Variants in FER1L6 observed in about 807,000 individuals in gnomAD.
FER1L6 encodes fer-1-like protein 6.
In FER1L6, 177 loss-of-function variants were observed where a neutral mutation model predicts 219.2. The ratio of observed to expected loss-of-function variants is 0.81; its 90% CI spans 0.71 to 0.91. The LOEUF (loss-of-function observed/expected upper bound fraction) is 0.91. Ranked by LOEUF, FER1L6 falls within the 40% of genes least tolerant of loss-of-function variation. The probability of loss-of-function intolerance (pLI) is 0.00; values close to 1 mark genes in which losing one functional copy is unlikely to be tolerated. For missense variants in FER1L6, 2,153 were observed against 2,259.9 expected, an observed-to-expected ratio of 0.95 and a Z score of 0.96; for synonymous variants, 768 against 824.3, an observed-to-expected ratio of 0.93 and a Z score of 1.17.
chr8:124,049,992 C>CCAA (rs1269957700), intron 22 of FER1L6, among the ~76,000 whole-genome samples: 1 of 152,156 alleles, frequency 6.6e-6, no homozygotes, highest in Non-Finnish European at 1.5e-5. Flanking sequence ...GCGGGTTTGG[C>CCAA]CAACAATGCT....
At chr8:124,017,545 A>C in intron 15 of FER1L6, 83 bp from the exon 16 acceptor site, 2 of 1,081,068 alleles carry the variant, frequency 1.9e-6, no homozygotes, top group Non-Finnish European at 2.8e-6. Flanking sequence ...ACTGTATTGC[A>C]GAAACAATAT....
chr8:123,854,370 C>T (rs920215213), intron 1 of FER1L6, among the ~76,000 whole-genome samples: 1 of 152,168 alleles, frequency 6.6e-6, no homozygotes, highest in African/African-American at 2.4e-5. Context: ...CAGATGTCTG[C>T]GTGTTCTGGG....
At chr8:123,942,190 C>A (rs544305994) in intron 1 of FER1L6, among the ~76,000 whole-genome samples, 39 of 152,276 alleles carry the variant, frequency 2.6e-4, no homozygotes, top group African/African-American at 8.7e-4. Context: ...ACCTGCAGAA[C>A]CTTCTCCCCA....
chr8:124,001,750 C>G (rs1432547886), intron 12 of FER1L6, among the ~76,000 whole-genome samples: 1 of 152,066 alleles, frequency 6.6e-6, no homozygotes, highest in African/African-American at 2.4e-5. Flanking sequence ...GAATCAAGAC[C>G]CTCCCTGTGT....
chr8:123,924,109 C>T (rs1206917625), intron 1 of FER1L6, among the ~76,000 whole-genome samples: 1 of 150,602 alleles, frequency 6.6e-6, no homozygotes, highest in Non-Finnish European at 1.5e-5. Flanking sequence ...TAGGTGGGTG[C>T]CTGTAGTCCC....
intron 5 of FER1L6, among the ~76,000 whole-genome samples, chr8:123,969,560 T>G (rs983631446): frequency 6.6e-6 from 1 of 152,204 alleles, no homozygotes; most frequent in African/African-American, 2.4e-5. Flanking sequence ...TTATATGCAC[T>G]TAATCTATGA....
chr8:123,955,299 C>T (rs1200015726), intron 1 of FER1L6, among the ~76,000 whole-genome samples: 1 of 152,160 alleles, frequency 6.6e-6, no homozygotes, highest in African/African-American at 2.4e-5. Flanking sequence ...GAGAAGGAGG[C>T]TTGGAAATGG....
At chr8:123,856,318 A>ATGTATG (rs1484304999) in intron 1 of FER1L6, among the ~76,000 whole-genome samples, 1 of 64,002 alleles carries the variant, frequency 1.6e-5, no homozygotes, top group African/African-American at 7.0e-5. Flanking sequence ...ATGTATGTGT[A>ATGTATG]TATATATATA....
chr8:124,110,018 C>G (rs1236160539), intron 39 of FER1L6, among the ~76,000 whole-genome samples: 1 of 152,160 alleles, frequency 6.6e-6, no homozygotes, highest in Admixed American at 6.5e-5. Context: ...GCAGGCTTCC[C>G]TAATATATGT....
At chr8:123,921,778 C>A (rs941259062) in intron 1 of FER1L6, among the ~76,000 whole-genome samples, 1 of 151,862 alleles carries the variant, frequency 6.6e-6, no homozygotes, top group Non-Finnish European at 1.5e-5. Flanking sequence ...CACCACAGGG[C>A]GGCTGTGGGG....
intron 18 of FER1L6, among the ~76,000 whole-genome samples, chr8:124,024,701 T>A (rs188517116): frequency 5.7e-4 from 87 of 152,314 alleles, no homozygotes; most frequent in Non-Finnish European, 1.0e-3. Flanking sequence ...ATCTTTTTCT[T>A]TGGGTAGATA....
chr8:123,968,629 C>T (rs530206012), intron 5 of FER1L6, among the ~76,000 whole-genome samples: 1 of 152,270 alleles, frequency 6.6e-6, no homozygotes, highest in South Asian at 2.1e-4. Context: ...ATTTTGAACA[C>T]CAGGACTCTG....
chr8:124,118,705 A>T, intron 39 of FER1L6, 139 bp from the exon 40 acceptor site: 1 of 736,724 alleles, frequency 1.4e-6, no homozygotes, highest in Non-Finnish European at 2.2e-6. Context: ...AAAAAAAGCA[A>T]CAACATTTAT....
intron 22 of FER1L6, among the ~76,000 whole-genome samples, chr8:124,055,990 C>T (rs953598288): frequency 6.6e-6 from 1 of 152,132 alleles, no homozygotes; most frequent in African/African-American, 2.4e-5. Flanking sequence ...CCGAGCCTCC[C>T]GTCTACTTCC....
intron 1 of FER1L6, among the ~76,000 whole-genome samples, chr8:123,930,215 G>A (rs139989200): frequency 6.6e-6 from 1 of 152,052 alleles, no homozygotes; most frequent in African/African-American, 2.4e-5. Flanking sequence ...TGTGTATTTA[G>A]TTCTATGTAA....
intron 31 of FER1L6, 73 bp downstream of exon 31, chr8:124,071,704 C>A: frequency 6.6e-7 from 1 of 1,515,226 alleles, no homozygotes; most frequent in Non-Finnish European, 9.0e-7. Context: ...ATATGGCAGA[C>A]TGGGAGGCTT....
At chr8:123,926,887 T>TTCTC in intron 1 of FER1L6, among the ~76,000 whole-genome samples, 1 of 152,156 alleles carries the variant, frequency 6.6e-6, no homozygotes. Context: ...GACTACTTAA[T>TTCTC]TCTCTCTCTC....
chr8:124,003,022 T>C (rs879102933), intron 12 of FER1L6, 145 bp from the exon 13 acceptor site: 3 of 638,960 alleles, frequency 4.7e-6, no homozygotes, highest in South Asian at 4.8e-5. Context: ...GTCAGTCTTG[T>C]TGGTCTGATC....
intron 20 of FER1L6, among the ~76,000 whole-genome samples, chr8:124,044,730 G>C (rs1586631693): frequency 1.3e-5 from 2 of 152,354 alleles, no homozygotes; most frequent in Admixed American, 1.3e-4. Flanking sequence ...TAATGGAATA[G>C]CTTCTGCCCA....
Sources: allele counts gnomAD v4.1 joint callset (sites outside exome capture counted in the v4.1 genomes callset), GRCh38; gene constraint gnomAD v4.1.1; transcripts MANE v1.5; gene names NCBI Gene and HGNC (gene_info 2026-07-23, HGNC 2026-07-21).